LRTM3: variants seen among roughly 807,000 people sequenced by gnomAD.
The protein encoded by LRTM3 is leucine rich repeat transmembrane protein 3.
the LRTM3 span, chr13:102,732,147 T>C: frequency 6.4e-7 from 1 of 1,551,394 alleles, no homozygotes; most frequent in African/African-American, 1.4e-5. Context: ...CTCTTAGACA[T>C]TTCACTAGTG....
the LRTM3 span, chr13:102,747,463 T>C: frequency 6.5e-7 from 1 of 1,549,150 alleles, no homozygotes; most frequent in Non-Finnish European, 8.7e-7. Flanking sequence ...TTTTTGTTTC[T>C]GATAATTTTT....
the LRTM3 span, chr13:102,730,890 A>G: frequency 6.4e-7 from 1 of 1,551,348 alleles, no homozygotes; most frequent in Non-Finnish European, 8.7e-7. Flanking sequence ...GAAAGTAACA[A>G]AATTCTGTTT....
chr13:102,742,433 G>C, the LRTM3 span: 2 of 1,547,510 alleles, frequency 1.3e-6, no homozygotes, highest in African/African-American at 1.4e-5. Flanking sequence ...CTTTGGCAGG[G>C]CAAATGTCTT....
At chr13:102,744,371 A>G in the LRTM3 span, 1 of 1,550,324 alleles carries the variant, frequency 6.5e-7, no homozygotes, top group Non-Finnish European at 8.7e-7. Flanking sequence ...TTTCTCAGAA[A>G]TAGAACTATC....
At chr13:102,739,513 T>C in the LRTM3 span, 1 of 1,550,490 alleles carries the variant, frequency 6.4e-7, no homozygotes, top group South Asian at 1.2e-5. Flanking sequence ...ATAGAGATGG[T>C]AAAGAAGTAC....
At chr13:102,746,209 T>C in the LRTM3 span, 12 of 1,550,680 alleles carry the variant, frequency 7.7e-6, no homozygotes, top group African/African-American at 1.4e-5. Flanking sequence ...GCACTGGGTC[T>C]GATTCAAGAT....
At chr13:102,731,465 T>C in the LRTM3 span, 1 of 1,551,502 alleles carries the variant, frequency 6.4e-7, no homozygotes. Flanking sequence ...ATTTTTTTCT[T>C]TGGGAGTAAA....
the LRTM3 span, chr13:102,744,965 A>G: frequency 1.9e-6 from 3 of 1,550,808 alleles, no homozygotes; most frequent in Non-Finnish European, 2.6e-6. Flanking sequence ...ACCAGTTAAA[A>G]CTTCACCATT....
At chr13:102,747,487 C>T in the LRTM3 span, 1 of 1,549,528 alleles carries the variant, frequency 6.5e-7, no homozygotes, top group South Asian at 1.2e-5. Context: ...TAATTTCCTG[C>T]CTTTTAAAAT....
At chr13:102,735,350 A>G in the LRTM3 span, 9 of 1,551,146 alleles carry the variant, frequency 5.8e-6, no homozygotes, top group African/African-American at 1.2e-4. Flanking sequence ...TGGACATGCT[A>G]TTCTCCCTGC....
chr13:102,759,015 G>T, the LRTM3 span: 1 of 759,348 alleles, frequency 1.3e-6, no homozygotes, highest in Non-Finnish European at 2.1e-6. Context: ...ACCTCGGTAT[G>T]CCCAACTCAT....
chr13:102,741,972 TAAG>T, the LRTM3 span: 1 of 1,550,614 alleles, frequency 6.4e-7, no homozygotes, highest in Non-Finnish European at 8.7e-7. Context: ...TCCTGTTTTC[TAAG>T]AATGCTGGAC....
the LRTM3 span, chr13:102,742,356 G>A: frequency 6.5e-7 from 1 of 1,547,712 alleles, no homozygotes; most frequent in Non-Finnish European, 8.7e-7. Flanking sequence ...ATGATTTTAG[G>A]AGAAATAGAT....
the LRTM3 span, chr13:102,749,672 T>C: frequency 6.4e-7 from 1 of 1,551,348 alleles, no homozygotes; most frequent in African/African-American, 1.4e-5. Context: ...ATCTTCAGGC[T>C]GGGCAAAGTT....
chr13:102,738,642 T>G, the LRTM3 span: 6 of 1,550,316 alleles, frequency 3.9e-6, no homozygotes, highest in Non-Finnish European at 5.2e-6. Flanking sequence ...GAAATACACT[T>G]TTCATATGCT....
chr13:102,739,297 T>C, the LRTM3 span: 1 of 1,549,536 alleles, frequency 6.5e-7, no homozygotes, highest in East Asian at 2.4e-5. Flanking sequence ...CTTTCACATC[T>C]ACTATATTTT....
At chr13:102,751,521 C>T in the LRTM3 span, among the ~76,000 whole-genome samples, 1 of 152,088 alleles carries the variant, frequency 6.6e-6, no homozygotes, top group African/African-American at 2.4e-5. Context: ...AAAATCTGAG[C>T]TTTAATAAAC....
At chr13:102,750,436 G>T in the LRTM3 span, 2 of 1,032,740 alleles carry the variant, frequency 1.9e-6, no homozygotes, top group South Asian at 1.8e-5. Context: ...AATATATTTC[G>T]TATAAGAATT....
the LRTM3 span, chr13:102,735,130 C>T: frequency 1.3e-6 from 2 of 1,551,106 alleles, no homozygotes; most frequent in African/African-American, 1.4e-5. Flanking sequence ...CTTTCTGGAC[C>T]TTTTCCTCCT....
Sources: gnomAD v4.1 joint callset for allele counts (sites outside exome capture counted in the v4.1 genomes callset) on GRCh38, gnomAD v4.1.1 for gene constraint, MANE v1.5 for transcripts, NCBI Gene and HGNC (gene_info 2026-07-23, HGNC 2026-07-21) for gene names.